SMARCB1: variants seen among roughly 807,000 people sequenced by gnomAD.
SMARCB1 encodes the protein SWI/SNF-related matrix-associated actin-dependent regulator of chromatin subfamily B member 1.
SMARCB1 carries 5 observed loss-of-function variants against 49.0 expected under a neutral mutation model. The ratio of observed to expected loss-of-function variants is 0.10; its 90% CI spans 0.05 to 0.21. The LOEUF is 0.21. Ranked by LOEUF, SMARCB1 falls within the 10% of genes least tolerant of loss-of-function variation. SMARCB1 has a pLI of 1.00. For synonymous variants in SMARCB1, 201 were observed against 200.1 expected, an observed-to-expected ratio of 1.00 and a Z score of -0.04; for missense variants, 226 against 509.2, an observed-to-expected ratio of 0.44 and a Z score of 5.35.
chr22:23,788,750 A>G (rs1478320572), intron 1 of SMARCB1, among the ~76,000 whole-genome samples: 2 of 152,174 alleles, frequency 1.3e-5, no homozygotes, highest in Non-Finnish European at 2.9e-5. Context: ...TATCCTTCAC[A>G]ATTGAGCATA....
rs144405686 is a variant in SMARCB1, at chr22:23,833,887, T to A, written c.1118+184T>A. On this transcript the variant is annotated intron_variant, in intron 8 of 8. Coordinates refer to ENST00000644036, the MANE Select transcript of SMARCB1 (RefSeq NM_003073.5). ...AAACGCCAGGGTATGTTTCCCTGCA[T>A]GGAACAAACATAATTCCTCAGGCTG... is the stretch of plus-strand genomic sequence containing the variant. Among the ~76,000 whole-genome samples, 1,301 of 152,326 alleles carry A rather than the reference T, an allele frequency of 8.5e-3. 10 individuals carry two copies. Among genetic ancestry groups the A allele is most frequent in the Middle Eastern group, 0.02 (6 of 294 alleles).
intron 7 of SMARCB1, 38 bp from the exon 8 acceptor site, chr22:23,833,533 TG>T (rs770457323): frequency 2.5e-6 from 4 of 1,613,860 alleles, no homozygotes; most frequent in Non-Finnish European, 3.4e-6. Flanking sequence ...CATCTATAGC[TG>T]GAAAAGTCAT....
chr22:23,822,957 CTTTTTTTTTTTTTTTTTTTTTTTTTT>C (rs58056758), intron 6 of SMARCB1, among the ~76,000 whole-genome samples: 1 of 72,688 alleles, frequency 1.4e-5, no homozygotes, highest in East Asian at 4.4e-4. Context: ...ACCAGCATAG[CTTTTTTTTTTTTTTTTTTTTTTTTTT>C]TTTTTTTTTT....
chr22:23,808,182 G>A (rs1315096273), intron 5 of SMARCB1, among the ~76,000 whole-genome samples: 8 of 138,148 alleles, frequency 5.8e-5, no homozygotes, highest in African/African-American at 1.6e-4. Flanking sequence ...GTGCAGTGGC[G>A]CAATTTCGGC....
intron 6 of SMARCB1, chr22:23,823,037 A>G (rs185889203): frequency 7.7e-6 from 1 of 129,998 alleles, no homozygotes; most frequent in African/African-American, 3.0e-5. Flanking sequence ...CTGGACTCAA[A>G]CACCTGAGCT....
At chr22:23,809,764 A>G (rs868811140) in intron 5 of SMARCB1, among the ~76,000 whole-genome samples, 1 of 151,896 alleles carries the variant, frequency 6.6e-6, no homozygotes, top group East Asian at 1.9e-4. Context: ...GTGGCATGAT[A>G]TTTTTCAAGT....
intron 7 of SMARCB1, among the ~76,000 whole-genome samples, chr22:23,828,716 G>A (rs569180292): frequency 3.3e-5 from 5 of 152,182 alleles, no homozygotes; most frequent in Admixed American, 6.5e-5. Flanking sequence ...GATTCCCCAA[G>A]AGCCAGTCCC....
chr22:23,803,738 G>A (rs745745030), intron 5 of SMARCB1: 10 of 429,912 alleles, frequency 2.3e-5, no homozygotes, highest in Non-Finnish European at 3.9e-5. Context: ...CAGCCCCCGA[G>A]CCCTGCACAC....
At chr22:23,822,922 C>CTACTTAGT (rs1449837005) in intron 6 of SMARCB1, among the ~76,000 whole-genome samples, 40 of 142,576 alleles carry the variant, frequency 2.8e-4, no homozygotes, top group Admixed American at 1.8e-3. Flanking sequence ...CTCACTTAAC[C>CTACTTAGT]TACTTAGTGT....
At chr22:23,813,325 A>ACC (rs1929992550) in intron 5 of SMARCB1, among the ~76,000 whole-genome samples, 2 of 151,376 alleles carry the variant, frequency 1.3e-5, no homozygotes, top group Non-Finnish European at 3.0e-5. Context: ...TGTAGATTGG[A>ACC]AAGGAAGAAA....
intron 7 of SMARCB1, among the ~76,000 whole-genome samples, chr22:23,831,259 T>G (rs2030642395): frequency 6.6e-6 from 1 of 152,230 alleles, no homozygotes; most frequent in South Asian, 2.1e-4. Context: ...ATAATACTTG[T>G]GTGTTGCATC....
chr22:23,793,366 A>G (rs758026786), intron 2 of SMARCB1, 193 bp from the exon 3 acceptor site: 2 of 710,852 alleles, frequency 2.8e-6, no homozygotes, highest in Admixed American at 3.7e-5. Context: ...GGCTCTACCC[A>G]GCAGGACTTG....
chr22:23,825,441 T>C (rs1386737355), intron 7 of SMARCB1, 26 bp downstream of exon 7: 1 of 1,590,740 alleles, frequency 6.3e-7, no homozygotes, highest in Admixed American at 1.7e-5. Context: ...AGTCTCTCCC[T>C]CCCTCATCTC....
chr22:23,830,496 G>T (rs986401876), intron 7 of SMARCB1, among the ~76,000 whole-genome samples: 9 of 152,040 alleles, frequency 5.9e-5, no homozygotes, highest in African/African-American at 2.2e-4. Flanking sequence ...TTGTTGAGTT[G>T]TAATTGTTCT....
At chr22:23,815,103 T>C (rs1287977694) in intron 5 of SMARCB1, 4 of 152,226 alleles carry the variant, frequency 2.6e-5, no homozygotes, top group Non-Finnish European at 5.9e-5. Context: ...TACACTGTTA[T>C]TCCACATCTT....
intron 3 of SMARCB1, 93 bp from the exon 4 acceptor site, chr22:23,800,851 G>T: frequency 1.0e-6 from 1 of 981,590 alleles, no homozygotes; most frequent in Non-Finnish European, 1.7e-6. Context: ...CCTGACAGAG[G>T]TACAGTGGGC....
Position 23,835,454 on chromosome 22 carries a change from G to A in SMARCB1, c.*1274G>A. 1.0e-6 allele frequency: 1 copy of A among 986,058 alleles called. No homozygotes were observed. The highest frequency in any genetic ancestry group is 1.2e-6 in the Non-Finnish European group (1 of 830,390). 61.1% of individuals were successfully genotyped at this position (986,058 alleles called of 1,614,324 possible). On this transcript the variant is annotated 3_prime_UTR_variant, in exon 9 of 9. Coordinates refer to ENST00000644036, the MANE Select transcript of SMARCB1 (RefSeq NM_003073.5). ...GAAGTGGGGTAGGGCCCCATGTGGG[G>A]CAGAGGCAGAGCTCTGATTAGGGAT...
At chr22:23,815,791 ATCTT>A (rs547796137) in intron 5 of SMARCB1, 9 of 152,216 alleles carry the variant, frequency 5.9e-5, no homozygotes, top group Non-Finnish European at 1.0e-4. Context: ...ACAGTCCTCT[ATCTT>A]GTCTTTTTTG....
rs759241720 is a variant in SMARCB1, at chr22:23,803,376, G to A, written c.582G>A (p.Glu194=). 2.5e-6 allele frequency: 4 copies of A among 1,614,216 alleles called. No individual in the cohort carries two copies. Among genetic ancestry groups the A allele is most frequent in the Non-Finnish European group, 3.4e-6 (4 of 1,180,038 alleles). The change falls in exon 5 of 9, where the codon GAG becomes GAA. Residue 194 remains glutamate, a synonymous_variant. Coordinates refer to ENST00000644036, the MANE Select transcript of SMARCB1 (RefSeq NM_003073.5). The part of the protein sequence containing the change: ...EVLVPIRLDM[E]IDGQKLRDAF... ...TGGTCCCCATCCGGCTGGACATGGA[G>A]ATCGATGGGCAGAAGCTGCGAGACG...
Sources: allele counts gnomAD v4.1 joint callset (sites outside exome capture counted in the v4.1 genomes callset), GRCh38; gene constraint gnomAD v4.1.1; transcripts MANE v1.5; gene names NCBI Gene and HGNC (gene_info 2026-07-23, HGNC 2026-07-21).